DUS4L: variants seen among roughly 807,000 people sequenced by gnomAD.
DUS4L encodes the protein dihydrouridine synthase 4 like, also known as tRNA-dihydrouridine(20a/20b) synthase [NAD(P)+]-like.
In DUS4L, 31 loss-of-function variants were observed where a neutral mutation model predicts 33.8. The ratio of observed to expected loss-of-function variants is 0.92; its 90% CI spans 0.69 to 1.24. The LOEUF is 1.24. Among genes scored for constraint, DUS4L ranks in the 50% most tolerant of loss-of-function variants. The pLI, the probability that DUS4L is intolerant of heterozygous loss-of-function variation, is 0.00. For missense variants in DUS4L, 368 were observed against 388.6 expected, an observed-to-expected ratio of 0.95 and a Z score of 0.45; for synonymous variants, 103 against 120.3, an observed-to-expected ratio of 0.86 and a Z score of 0.94.
At chr7:107,574,412 C>A (rs1194275950) in intron 5 of DUS4L, among the ~76,000 whole-genome samples, 5 of 146,950 alleles carry the variant, frequency 3.4e-5, no homozygotes, top group Non-Finnish European at 7.5e-5. Flanking sequence ...GGTCTCGGCT[C>A]ACCACAACTA....
Position 107,567,553 on chromosome 7 carries a change from T to A in DUS4L, c.116+367T>A, listed in dbSNP as rs1158273957. On this transcript the variant is annotated intron_variant, in intron 3 of 7. Transcript: ENST00000265720. The stretch of plus-strand genomic sequence containing the variant: ...CCTAAGGTAGTTGTGTGTTCAGTTT[T>A]CGAAGAAATATTTCTTCGTATCTTT... 7.2e-5 allele frequency among the ~76,000 whole-genome samples: 11 copies of A among 152,274 alleles called. No individual in the cohort carries two copies. In the East Asian group the frequency reaches 2.1e-3, roughly 29 times the overall value.
rs1805987919 is a variant in DUS4L, at chr7:107,578,460, A to G, written c.*900A>G. The G allele has an allele frequency of 6.6e-6, 1 of 152,236 alleles. No individual in the cohort carries two copies. Among genetic ancestry groups the G allele is most frequent in the South Asian group, 2.1e-4 (1 of 4,826 alleles). 9.4% of individuals were successfully genotyped at this position (152,236 alleles called of 1,614,324 possible). A position where few individuals can be genotyped will look rare whatever the true frequency, so the allele number is the denominator to read the frequency against. ...TGCCAACATGAAAACTGTTATAAGG[A>G]AACAATTATGTAAAACTGTTTAATT... On this transcript the variant is annotated 3_prime_UTR_variant, in exon 8 of 8. Transcript: ENST00000265720.
intron 4 of DUS4L, among the ~76,000 whole-genome samples, chr7:107,572,042 C>G (rs1236516456): frequency 6.7e-6 from 1 of 148,974 alleles, no homozygotes; most frequent in East Asian, 1.9e-4. Flanking sequence ...TGATCATCCT[C>G]TACTCATGTC....
chr7:107,564,056 G>T lies in DUS4L; in HGVS notation c.-264G>T. ...TGGGCTAAGCCTGGCTAGGAGCCGC[G>T]CAGGTACTCGAGCAGTGGGCGCCCA... On this transcript the variant is annotated 5_prime_UTR_variant, in exon 1 of 8. Coordinates refer to ENST00000265720, the MANE Select transcript of DUS4L (RefSeq NM_181581.3). 2.0e-6 allele frequency: 3 copies of T among 1,480,736 alleles called. No homozygotes were observed. The South Asian group carries it at 3.7e-5, about 18-fold the overall frequency. 91.7% of individuals were successfully genotyped at this position (1,480,736 alleles called of 1,614,324 possible).
intron 4 of DUS4L, 24 bp from the exon 5 acceptor site, chr7:107,573,680 A>G (rs1805468417): frequency 6.3e-7 from 1 of 1,599,434 alleles, no homozygotes; most frequent in Admixed American, 1.8e-5. Context: ...GTGAATTTTA[A>G]TGTTGAGCTA....
At chr7:107,571,670 G>A (rs1805247540) in intron 4 of DUS4L, among the ~76,000 whole-genome samples, 1 of 152,178 alleles carries the variant, frequency 6.6e-6, no homozygotes, top group African/African-American at 2.4e-5. Flanking sequence ...GAGATTTACA[G>A]GTGTACTAAA....
intron 7 of DUS4L, 72 bp from the exon 8 acceptor site, chr7:107,577,241 G>C: frequency 6.4e-7 from 1 of 1,572,086 alleles, no homozygotes; most frequent in Non-Finnish European, 8.6e-7. Context: ...TATACTGTTT[G>C]CTTCATTGAG....
chr7:107,564,121 A>T lies in DUS4L; in HGVS notation c.-199A>T. On this transcript the variant is annotated 5_prime_UTR_variant, in exon 1 of 8. In the 5' UTR this introduces an upstream ATG that the reference lacks. Coordinates refer to ENST00000265720, the MANE Select transcript of DUS4L (RefSeq NM_181581.3). ...TGCGCCCAGCGCACCGAGGGAGCCAAGGCCGTCGGGCCGGCGCTTTCAGCT... is the reference window on the plus strand; with the variant it reads ...TGCGCCCAGCGCACCGAGGGAGCCATGGCCGTCGGGCCGGCGCTTTCAGCT... 4.8e-6 allele frequency: 5 copies of T among 1,030,996 alleles called. No homozygotes were observed. Among genetic ancestry groups the T allele is most frequent in the Non-Finnish European group, 7.1e-6 (5 of 708,848 alleles). The allele number at this position is 1,030,996 out of a possible 1,614,324, so 63.9% of individuals were successfully genotyped here.
At chr7:107,570,377 T>C (rs1805100751) in intron 3 of DUS4L, 2 of 152,180 alleles carry the variant, frequency 1.3e-5, no homozygotes, top group South Asian at 2.1e-4. Flanking sequence ...CAGTTCCCCA[T>C]AGTGAGGGTA....
chr7:107,576,187 A>C (rs1805725299), intron 6 of DUS4L, among the ~76,000 whole-genome samples, 179 bp from the exon 7 acceptor site: 10 of 152,188 alleles, frequency 6.6e-5, no homozygotes, highest in Admixed American at 6.5e-4. Flanking sequence ...GAAATAGCTA[A>C]ATTTGAGGTC....
At chr7:107,567,918 A>C in intron 3 of DUS4L, 1 of 251,840 alleles carries the variant, frequency 4.0e-6, no homozygotes, top group South Asian at 4.5e-5. Context: ...TTATTTTGCT[A>C]ATATTTTATG....
In DUS4L at chr7:107,575,348, A is replaced by G. The variant is rs375289615; in HGVS notation, c.479+38A>G. On this transcript the variant is annotated intron_variant, in intron 6 of 7. Transcript: ENST00000265720. ...TTTCAATCTATTGATAGGATAATCC[A>G]TTACTTAGGAAATGAAAGATTATTG... is the stretch of plus-strand genomic sequence containing the variant. 9.4e-6 allele frequency: 15 copies of G among 1,591,184 alleles called. No individual in the cohort carries two copies. In the African/African-American group the frequency reaches 1.8e-4, roughly 19 times the overall value.
chr7:107,569,265 A>T (rs1452203122), intron 3 of DUS4L, among the ~76,000 whole-genome samples: 1 of 152,198 alleles, frequency 6.6e-6, no homozygotes, highest in African/African-American at 2.4e-5. Flanking sequence ...TTTGTGAGAA[A>T]TCAGCATTTT....
intron 7 of DUS4L, 136 bp from the exon 8 acceptor site, chr7:107,577,177 A>G: frequency 8.2e-7 from 1 of 1,226,660 alleles, no homozygotes; most frequent in South Asian, 1.6e-5. Flanking sequence ...ATCGGATTAA[A>G]CATATTAATG....
intron 5 of DUS4L, 165 bp from the exon 6 acceptor site, chr7:107,575,023 T>C: frequency 2.4e-6 from 2 of 831,580 alleles, no homozygotes; most frequent in South Asian, 1.7e-5. Flanking sequence ...GTTTTCCTAA[T>C]CTCATATTGA....
rs1199112767 is a variant in DUS4L, at chr7:107,567,066, T to C, written c.-5T>C. On this transcript the variant is annotated 5_prime_UTR_variant, in exon 3 of 8. Transcript: ENST00000265720. The stretch of plus-strand genomic sequence containing the variant: ...CTTTTTCAGATTTGAAACATATCTG[T>C]ATTAATGAAGAGTGACTGCATGCAA... 6.2e-7 allele frequency: 1 copy of C among 1,608,834 alleles called. No homozygotes were observed. The highest frequency in any genetic ancestry group is 8.5e-7 in the Non-Finnish European group (1 of 1,176,266).
At chr7:107,572,075 T>TA (rs1054366781) in intron 4 of DUS4L, among the ~76,000 whole-genome samples, 3 of 152,058 alleles carry the variant, frequency 2.0e-5, no homozygotes, top group Admixed American at 2.0e-4. Flanking sequence ...CACAGGCTCT[T>TA]ATGTTGCACT....
rs1189572585 is a variant in DUS4L at position 107,577,312 on chromosome 7, G to A, written c.707-1G>A. On this transcript the variant is annotated splice_acceptor_variant, in intron 7 of 7. Coordinates refer to ENST00000265720, the MANE Select transcript of DUS4L (RefSeq NM_181581.3). LOFTEE classifies it high-confidence loss of function. ...CAAATATGGTGTGCTTTAATTTGTA[G>A]GTGTGATGGTTGCAAGAGGACTCTT... The A allele has an allele frequency of 4.3e-6, 7 of 1,613,870 alleles. No individual in the cohort carries two copies. The highest frequency in any genetic ancestry group is 5.9e-6 in the Non-Finnish European group (7 of 1,179,940).
chr7:107,577,762 T>TTTC lies in DUS4L; in HGVS notation c.*203_*204insTCT, dbSNP rs1805883385. 5 of 486,276 alleles carry TTTC rather than the reference T, an allele frequency of 1.0e-5. No individual in the cohort carries two copies. The East Asian group carries it at 1.7e-4, about 17-fold the overall frequency. 30.1% of individuals were successfully genotyped at this position (486,276 alleles called of 1,614,324 possible). ...TGGAGTAGACCCAGAAATACACAGT[T>TTTC]TAAAGAAAACTCCCAGTGGTTCAAA... is the stretch of plus-strand genomic sequence containing the variant. On this transcript the variant is annotated 3_prime_UTR_variant, in exon 8 of 8. Transcript: ENST00000265720.
Sources: allele counts gnomAD v4.1 joint callset (sites outside exome capture counted in the v4.1 genomes callset), GRCh38; gene constraint gnomAD v4.1.1; transcripts MANE v1.5; gene names NCBI Gene and HGNC (gene_info 2026-07-23, HGNC 2026-07-21).